The following FRMD4B variants were observed in gnomAD, a reference collection of about 807,000 sequenced individuals.
FRMD4B encodes the protein FERM domain-containing protein 4B.
In FRMD4B, 74 loss-of-function variants were observed where a neutral mutation model predicts 141.5. The ratio of observed to expected loss-of-function variants is 0.52; its 90% CI spans 0.43 to 0.63. The LOEUF (loss-of-function observed/expected upper bound fraction) is 0.63, where lower values mean the gene tolerates loss of function less well. Among genes scored for constraint, FRMD4B ranks in the 30% least tolerant of loss-of-function variants. The pLI is 0.00. For missense variants in FRMD4B, 1,366 were observed against 1,253.4 expected, an observed-to-expected ratio of 1.09 and a Z score of -1.36; for synonymous variants, 506 against 467.9, an observed-to-expected ratio of 1.08 and a Z score of -1.05.
chr3:69,438,021 CTATAT>C (rs1198540559), intron 1 of FRMD4B, among the ~76,000 whole-genome samples: 3 of 132,214 alleles, frequency 2.3e-5, no homozygotes, highest in Non-Finnish European at 4.7e-5. Flanking sequence ...ATATATACTA[CTATAT>C]TATATGTAAC....
At chr3:69,222,370 G>A (rs1381803649) in intron 8 of FRMD4B, among the ~76,000 whole-genome samples, 3 of 151,376 alleles carry the variant, frequency 2.0e-5, no homozygotes, top group Admixed American at 6.6e-5. Context: ...GGGAGGCTGA[G>A]GCAGGAGAAC....
chr3:69,406,596 C>T (rs1000145010), intron 2 of FRMD4B, among the ~76,000 whole-genome samples: 2 of 152,166 alleles, frequency 1.3e-5, no homozygotes, highest in African/African-American at 4.8e-5. Context: ...TGCAACTTTG[C>T]TATCATCTCC....
In FRMD4B at chr3:69,249,208, A is replaced by C. The variant is rs1393578861; in HGVS notation, c.581+18T>G. The C allele has an allele frequency of 6.6e-7, 1 of 1,515,838 alleles. No individual in the cohort carries two copies. The highest frequency in any genetic ancestry group is 1.8e-5 in the Admixed American group (1 of 56,922). 93.9% of individuals were successfully genotyped at this position (1,515,838 alleles called of 1,614,324 possible). ...TAGGGTTATTTTGCATAGTAATATC[A>C]GAAAAGAAAAGCATTACCTGGTATA... On this transcript the variant is annotated intron_variant, in intron 7 of 22. Coordinates refer to ENST00000398540, the MANE Select transcript of FRMD4B (RefSeq NM_015123.3).
chr3:69,501,191 C>T (rs1411417719), intron 1 of FRMD4B, among the ~76,000 whole-genome samples: 3 of 149,550 alleles, frequency 2.0e-5, no homozygotes. Flanking sequence ...AATTTGTAAA[C>T]TTTCCTAAAA....
intron 1 of FRMD4B, among the ~76,000 whole-genome samples, chr3:69,458,535 G>A (rs1705654093): frequency 6.6e-6 from 1 of 152,184 alleles, no homozygotes; most frequent in African/African-American, 2.4e-5. Context: ...ACTGAACATG[G>A]AAGGTGGACA....
intron 1 of FRMD4B, among the ~76,000 whole-genome samples, chr3:69,323,628 ATATATATATATATATATATATAT>A: frequency 1.7e-5 from 1 of 58,856 alleles, no homozygotes. Context: ...ATATATATAT[ATATATATATATATATATATATAT>A]ATGCGTTTTA....
At chr3:69,361,932 A>G (rs1422546541) in intron 1 of FRMD4B, among the ~76,000 whole-genome samples, 1 of 152,208 alleles carries the variant, frequency 6.6e-6, no homozygotes, top group Non-Finnish European at 1.5e-5. Context: ...CTGCCAAATA[A>G]TTTCCTAAAA....
chr3:69,213,287 G>T (rs1011364329), intron 11 of FRMD4B, among the ~76,000 whole-genome samples: 6 of 150,068 alleles, frequency 4.0e-5, no homozygotes, highest in Admixed American at 1.3e-4. Context: ...GATTGCAGAA[G>T]ACTTCTTCCC....
chr3:69,277,080 G>T (rs550256469), intron 5 of FRMD4B, among the ~76,000 whole-genome samples: 1 of 152,254 alleles, frequency 6.6e-6, no homozygotes, highest in African/African-American at 2.4e-5. Context: ...TAAGAGGGAA[G>T]ATAAAAATAA....
chr3:69,457,831 A>G (rs1705644365), intron 1 of FRMD4B, among the ~76,000 whole-genome samples: 1 of 152,180 alleles, frequency 6.6e-6, no homozygotes, highest in Admixed American at 6.5e-5. Context: ...GGTTCTAGCA[A>G]TATGGACAGC....
intron 1 of FRMD4B, among the ~76,000 whole-genome samples, chr3:69,333,466 G>A (rs1006979567): frequency 2.6e-5 from 4 of 152,218 alleles, no homozygotes; most frequent in Admixed American, 1.3e-4. Flanking sequence ...TTTTGGTTGA[G>A]AATTAGAAAT....
chr3:69,173,964 CT>C (rs2092616109), intron 22 of FRMD4B, among the ~76,000 whole-genome samples: 1 of 152,056 alleles, frequency 6.6e-6, no homozygotes, highest in Non-Finnish European at 1.5e-5. Flanking sequence ...TGGCAAAACC[CT>C]GTCTCTATTA....
intron 1 of FRMD4B, among the ~76,000 whole-genome samples, chr3:69,470,520 G>A (rs984308192): frequency 6.6e-6 from 1 of 151,884 alleles, no homozygotes; most frequent in Admixed American, 6.6e-5. Flanking sequence ...GAACAAAGAG[G>A]GTTTTATTTA....
chr3:69,303,394 T>G (rs1423495035), intron 3 of FRMD4B, among the ~76,000 whole-genome samples: 1 of 150,504 alleles, frequency 6.6e-6, no homozygotes. Flanking sequence ...AGAGACGATA[T>G]TAAATGAAAA....
chr3:69,326,629 G>A (rs1054762060), intron 1 of FRMD4B, among the ~76,000 whole-genome samples: 2 of 152,110 alleles, frequency 1.3e-5, no homozygotes, highest in East Asian at 1.9e-4. Flanking sequence ...GAGATTCCAC[G>A]AAGTTGAGAA....
chr3:69,291,494 G>A (rs1015956658), intron 4 of FRMD4B, among the ~76,000 whole-genome samples: 7 of 152,188 alleles, frequency 4.6e-5, no homozygotes, highest in African/African-American at 7.2e-5. Flanking sequence ...AGGATCACTG[G>A]CTGGATATAA....
At chr3:69,373,364 A>G (rs1703881745) in intron 1 of FRMD4B, among the ~76,000 whole-genome samples, 1 of 152,228 alleles carries the variant, frequency 6.6e-6, no homozygotes, top group Admixed American at 6.5e-5. Flanking sequence ...AACTAAGTTC[A>G]TCTCATTCAA....
intron 1 of FRMD4B, among the ~76,000 whole-genome samples, chr3:69,323,835 C>T (rs963412943): frequency 6.6e-6 from 1 of 151,686 alleles, no homozygotes; most frequent in African/African-American, 2.4e-5. Flanking sequence ...AATCCATGCT[C>T]TTAAGGGCTA....
At chr3:69,248,263 AT>A (rs1184575244) in intron 7 of FRMD4B, among the ~76,000 whole-genome samples, 7 of 147,450 alleles carry the variant, frequency 4.7e-5, no homozygotes, top group Admixed American at 4.7e-4. Context: ...ACACACACAA[AT>A]ATATATATAT....
Sources: gnomAD v4.1 joint callset for allele counts (sites outside exome capture counted in the v4.1 genomes callset) on GRCh38, gnomAD v4.1.1 for gene constraint, MANE v1.5 for transcripts, NCBI Gene and HGNC (gene_info 2026-07-23, HGNC 2026-07-21) for gene names.